Variants in IFT52 observed in about 807,000 individuals in gnomAD.
IFT52 encodes intraflagellar transport protein 52 homolog.
Under a neutral mutation model 54.4 loss-of-function variants are expected in IFT52, and 44 were observed. The ratio of observed to expected loss-of-function variants is 0.81; its 90% CI spans 0.63 to 1.04. The LOEUF (loss-of-function observed/expected upper bound fraction) is 1.04. Ranked by LOEUF, IFT52 falls within the 50% of genes least tolerant of loss-of-function variation. The probability of loss-of-function intolerance (pLI) is 0.00; values close to 1 mark genes in which losing one functional copy is unlikely to be tolerated. For synonymous variants in IFT52, 181 were observed against 185.3 expected, an observed-to-expected ratio of 0.98 and a Z score of 0.19; for missense variants, 452 against 523.6, an observed-to-expected ratio of 0.86 and a Z score of 1.33.
At chr20:43,591,508 G>A (rs1981514995) in intron 1 of IFT52, among the ~76,000 whole-genome samples, 1 of 152,156 alleles carries the variant, frequency 6.6e-6, no homozygotes, top group South Asian at 2.1e-4. Flanking sequence ...TGACAGTACA[G>A]GAACGCAGAC....
chr20:43,622,654 T>C (rs1455941130), intron 9 of IFT52, among the ~76,000 whole-genome samples: 2 of 147,434 alleles, frequency 1.4e-5, no homozygotes, highest in Non-Finnish European at 3.0e-5. Context: ...TATTTATATA[T>C]ATTTTATATG....
intron 7 of IFT52, among the ~76,000 whole-genome samples, chr20:43,617,023 A>G (rs1983909446): frequency 6.6e-6 from 1 of 152,012 alleles, no homozygotes; most frequent in African/African-American, 2.4e-5. Flanking sequence ...TAAAAATGGG[A>G]AAAAAATTAT....
intron 2 of IFT52, 105 bp downstream of exon 2, chr20:43,594,922 A>G: frequency 1.4e-6 from 1 of 719,522 alleles, no homozygotes; most frequent in Non-Finnish European, 2.5e-6. Flanking sequence ...TAGGTGGGAG[A>G]AGCTCAATTT....
At chr20:43,616,325 A>G (rs1396405527) in intron 7 of IFT52, among the ~76,000 whole-genome samples, 1 of 151,920 alleles carries the variant, frequency 6.6e-6, no homozygotes, top group Non-Finnish European at 1.5e-5. Flanking sequence ...TGGCCAACAT[A>G]GTGAAACCTT....
At position 43,605,041 on chromosome 20, in the gene IFT52, C is replaced by T; in HGVS notation, c.453C>T (p.Ile151=). 1 of 1,613,564 alleles carries T rather than the reference C, an allele frequency of 6.2e-7. No homozygotes were observed. The highest frequency in any genetic ancestry group is 8.5e-7 in the Non-Finnish European group (1 of 1,179,826). ...CTGCAGGAAAGGCTGTGCCTGGGATCATTGATGAGGAAAGCAGTGGAAACA... is the reference window on the plus strand; with the variant it reads ...CTGCAGGAAAGGCTGTGCCTGGGATTATTGATGAGGAAAGCAGTGGAAACA... The part of the protein sequence containing the change: ...SRAAGKAVPG[I]IDEESSGNNA... Residue 151 remains isoleucine, a synonymous_variant, in exon 6 of 14, where the codon ATC becomes ATT. Coordinates refer to ENST00000373030, the MANE Select transcript of IFT52 (RefSeq NM_016004.5).
chr20:43,610,631 C>T (rs976464853), intron 6 of IFT52, among the ~76,000 whole-genome samples: 7 of 151,168 alleles, frequency 4.6e-5, no homozygotes, highest in Admixed American at 1.3e-4. Flanking sequence ...CCCAACTACT[C>T]GGGAGGCTGA....
Position 43,613,241 on chromosome 20 carries a change from G to A in IFT52, c.486-609G>A, listed in dbSNP as rs1007392737. Among the ~76,000 whole-genome samples, 7 of 152,154 alleles carry A rather than the reference G, an allele frequency of 4.6e-5. No individual in the cohort carries two copies. The South Asian group carries it at 8.3e-4, about 18-fold the overall frequency. On this transcript the variant is annotated intron_variant, in intron 6 of 13. Coordinates refer to ENST00000373030, the MANE Select transcript of IFT52 (RefSeq NM_016004.5). ...CTAGCCAAACCTAAGGAAGAAGAAC[G>A]TATTTACCAGTAAGATATTATTATG... is the stretch of plus-strand genomic sequence containing the variant.
At chr20:43,622,613 AT>A (rs1254397664) in intron 9 of IFT52, among the ~76,000 whole-genome samples, 2 of 148,344 alleles carry the variant, frequency 1.3e-5, no homozygotes, top group African/African-American at 2.4e-5. Context: ...AAAAAAATAA[AT>A]TTTTTATACA....
At chr20:43,591,464 A>G (rs987300209) in intron 1 of IFT52, among the ~76,000 whole-genome samples, 1 of 152,140 alleles carries the variant, frequency 6.6e-6, no homozygotes, top group African/African-American at 2.4e-5. Flanking sequence ...AAGGCCTTAT[A>G]CTATTATTAA....
chr20:43,646,077 G>A (rs1018987960), intron 13 of IFT52, among the ~76,000 whole-genome samples: 3 of 151,800 alleles, frequency 2.0e-5, no homozygotes, highest in Admixed American at 1.3e-4. Context: ...CGCGCGTGGT[G>A]GCGGGCACCT....
intron 10 of IFT52, among the ~76,000 whole-genome samples, chr20:43,629,922 A>G (rs1347998091): frequency 2.6e-5 from 4 of 152,198 alleles, no homozygotes; most frequent in Non-Finnish European, 5.9e-5. Flanking sequence ...AAATCACACA[A>G]CTAGTTTTCA....
At chr20:43,610,885 G>A (rs564175266) in intron 6 of IFT52, among the ~76,000 whole-genome samples, 2 of 152,334 alleles carry the variant, frequency 1.3e-5, no homozygotes, top group African/African-American at 2.4e-5. Flanking sequence ...TGCCAAGGGT[G>A]ACCCAAGGCA....
chr20:43,591,191 G>A lies in IFT52; in HGVS notation c.-7+137G>A, dbSNP rs3752562. ...GTCCCCCGGGGTGAAGTAAACTGTG[G>A]GCGCGGACGTAGCCCGGGTTCCTGG... On this transcript the variant is annotated intron_variant, in intron 1 of 13. Coordinates refer to ENST00000373030, the MANE Select transcript of IFT52 (RefSeq NM_016004.5). The A allele has an allele frequency of 0.73, 111,838 of 152,230 alleles. 41,526 individuals are homozygous for A. Among genetic ancestry groups the A allele is most frequent in the East Asian group, 0.79 (4,086 of 5,146 alleles). 9.4% of individuals were successfully genotyped at this position (152,230 alleles called of 1,614,324 possible). A position where few individuals can be genotyped will look rare whatever the true frequency, so the allele number is the denominator to read the frequency against.
intron 4 of IFT52, 97 bp downstream of exon 4, chr20:43,603,986 T>C (rs1423679954): frequency 9.8e-7 from 1 of 1,017,294 alleles, no homozygotes; most frequent in Non-Finnish European, 1.5e-6. Flanking sequence ...GAAAAAGCCC[T>C]GGGCTGTGTG....
chr20:43,607,216 A>C (rs1601035365), intron 6 of IFT52, among the ~76,000 whole-genome samples: 1 of 119,132 alleles, frequency 8.4e-6, no homozygotes, highest in Non-Finnish European at 1.7e-5. Flanking sequence ...CGGGGGGCTG[A>C]CCCCCCCACC....
intron 6 of IFT52, among the ~76,000 whole-genome samples, chr20:43,607,645 C>T (rs1332034166): frequency 6.9e-6 from 1 of 145,672 alleles, no homozygotes; most frequent in African/African-American, 2.6e-5. Flanking sequence ...CGGGCAGAGA[C>T]GCTCCTCACT....
chr20:43,637,420 G>A (rs1453128608), intron 12 of IFT52, among the ~76,000 whole-genome samples, 167 bp downstream of exon 12: 4 of 152,040 alleles, frequency 2.6e-5, no homozygotes, highest in African/African-American at 7.2e-5. Flanking sequence ...GCGCCACCAC[G>A]CCCAGCTAAT....
intron 9 of IFT52, among the ~76,000 whole-genome samples, chr20:43,622,526 G>A (rs1001030588): frequency 2.2e-4 from 34 of 151,468 alleles, no homozygotes; most frequent in Non-Finnish European, 5.0e-4. Context: ...TGGCATGAAC[G>A]CAGGAGGCAG....
chr20:43,611,025 CTTG>C (rs79376558), intron 6 of IFT52, among the ~76,000 whole-genome samples: 4,083 of 152,274 alleles, frequency 0.027, 69 homozygotes, highest in Non-Finnish European at 0.037. Context: ...TAGTGCCCTA[CTTG>C]TTGTTGCGTT....
Sources: allele counts gnomAD v4.1 joint callset (sites outside exome capture counted in the v4.1 genomes callset), GRCh38; gene constraint gnomAD v4.1.1; transcripts MANE v1.5; gene names NCBI Gene and HGNC (gene_info 2026-07-23, HGNC 2026-07-21).